The following ESRP1 variants were observed in gnomAD, a reference collection of about 807,000 sequenced individuals.
The protein encoded by ESRP1 is epithelial splicing regulatory protein 1.
Under a neutral mutation model 81.7 loss-of-function variants are expected in ESRP1, and 33 were observed. The ratio of observed to expected loss-of-function variants is 0.40; its 90% confidence interval spans 0.31 to 0.54. The LOEUF is 0.54. ESRP1 is among the 20% of genes least tolerant of loss of function. The probability of loss-of-function intolerance (pLI) is 0.41; values close to 1 mark genes in which losing one functional copy is unlikely to be tolerated. For synonymous variants in ESRP1, 320 were observed against 303.3 expected, an observed-to-expected ratio of 1.06 and a Z score of -0.57; for missense variants, 672 against 833.1, an observed-to-expected ratio of 0.81 and a Z score of 2.38.
chr8:94,689,811 C>CTT lies in ESRP1; in HGVS notation c.1821-2842_1821-2841dup, dbSNP rs58359551. Among the ~76,000 whole-genome samples the CTT allele has an allele frequency of 1.1e-3, 71 of 64,618 alleles. 2 individuals are homozygous for CTT. Among genetic ancestry groups the CTT allele is most frequent in the Non-Finnish European group, 1.5e-3 (50 of 33,630 alleles). 42.4% of individuals were successfully genotyped at this position (64,618 alleles called of 152,430 possible). A position where few individuals can be genotyped will look rare whatever the true frequency, so the allele number is the denominator to read the frequency against. The stretch of plus-strand genomic sequence containing the variant: ...CACAGGCATGTGCTATGATGCCTGG[C>CTT]TTTTTTTTTTTTTTTTTTTTTTTTT... On this transcript the variant is annotated intron_variant, in intron 13 of 15. Coordinates refer to ENST00000433389, the MANE Select transcript of ESRP1 (RefSeq NM_017697.4).
At chr8:94,660,709 C>CAAAAAAAAAAAAAAAAAAAAAA (rs60316449) in intron 4 of ESRP1, among the ~76,000 whole-genome samples, 3 of 43,542 alleles carry the variant, frequency 6.9e-5, no homozygotes, top group Admixed American at 3.8e-4. Flanking sequence ...GAGACTATCT[C>CAAAAAAAAAAAAAAAAAAAAAA]AAAAAAAAAA....
Position 94,707,161 on chromosome 8 carries a change from G to A in ESRP1, c.*1272G>A, listed in dbSNP as rs1810096037. On this transcript the variant is annotated 3_prime_UTR_variant, in exon 16 of 16. Transcript: ENST00000433389. ...ATGCAATGCCGTGCAGATTTATGAG[G>A]CTGCTATTTTTATTTTCTGTGCATT... 4 of 152,176 alleles carry A rather than the reference G, an allele frequency of 2.6e-5. No homozygotes were observed. The South Asian group carries it at 8.3e-4, about 32-fold the overall frequency. 9.4% of individuals were successfully genotyped at this position (152,176 alleles called of 1,614,324 possible). A position where few individuals can be genotyped will look rare whatever the true frequency, so the allele number is the denominator to read the frequency against.
chr8:94,697,765 T>C (rs1346292712), intron 15 of ESRP1, among the ~76,000 whole-genome samples: 1 of 152,098 alleles, frequency 6.6e-6, no homozygotes, highest in Admixed American at 6.6e-5. Context: ...TACTTTTTCC[T>C]GTTTCTTCTT....
At chr8:94,650,475 G>A (rs543249226) in intron 4 of ESRP1, among the ~76,000 whole-genome samples, 3 of 152,044 alleles carry the variant, frequency 2.0e-5, no homozygotes, top group East Asian at 1.9e-4. Context: ...CTTTTTAGCC[G>A]GTAATATGCA....
rs1817841751 is a variant in ESRP1 at position 94,646,182 on chromosome 8, T to C, written c.390T>C (p.Pro130=). Residue 130 remains proline (P), a synonymous_variant, in exon 4 of 16, where the codon CCT becomes CCC. Transcript: ENST00000433389. ...PEASKKNVLL[P]ECFYSFFDLR... is the part of the protein sequence containing the mutation. ...TCCTTCCTCAGAATGTACTATTACC[T>C]GAATGCTTCTATTCCTTTTTTGATC... 6.2e-7 allele frequency: 1 copy of C among 1,606,932 alleles called. No individual in the cohort carries two copies. The highest frequency in any genetic ancestry group is 8.5e-7 in the Non-Finnish European group (1 of 1,174,484).
At chr8:94,684,868 C>T (rs1054186153) in intron 13 of ESRP1, among the ~76,000 whole-genome samples, 3 of 151,896 alleles carry the variant, frequency 2.0e-5, no homozygotes, top group African/African-American at 7.3e-5. Context: ...CCATCCTGGG[C>T]ATGCAAAAAA....
rs748869347 is a variant in ESRP1, at chr8:94,678,274, C to G, written c.1723C>G (p.Pro575Ala). The G allele has an allele frequency of 6.2e-7, 1 of 1,614,004 alleles. No homozygotes were observed. Among genetic ancestry groups the G allele is most frequent in the Non-Finnish European group, 8.5e-7 (1 of 1,179,896 alleles). ...TCCTACAGAAGCTGCCATTTACCAG[C>G]CCTCTGTGATTTTGAATCCACGAGC... ...VIPTEAAIYQ[P>A]SVILNPRALQ... The change falls in exon 13 of 16, where the codon CCC becomes GCC. Residue 575 changes from proline to alanine, a missense_variant. Pro to Ala is a conservative substitution (Grantham distance 27). Coordinates refer to ENST00000433389, the MANE Select transcript of ESRP1 (RefSeq NM_017697.4).
At chr8:94,692,959 G>C in intron 14 of ESRP1, 132 bp downstream of exon 14, 1 of 968,622 alleles carries the variant, frequency 1.0e-6, no homozygotes, top group Non-Finnish European at 1.5e-6. Flanking sequence ...TTTGCTTATG[G>C]AAACAAATAG....
intron 4 of ESRP1, among the ~76,000 whole-genome samples, chr8:94,652,214 C>T (rs1232432695): frequency 6.6e-6 from 1 of 151,998 alleles, no homozygotes; most frequent in Non-Finnish European, 1.5e-5. Context: ...TCTGGAACTC[C>T]TGACCTCAGG....
chr8:94,682,575 C>A (rs923038521), intron 13 of ESRP1, among the ~76,000 whole-genome samples: 1 of 150,534 alleles, frequency 6.6e-6, no homozygotes, highest in Admixed American at 6.7e-5. Flanking sequence ...CTTTGTTGCC[C>A]ACGCTGGTCT....
At chr8:94,699,926 A>G (rs1311231641) in intron 15 of ESRP1, among the ~76,000 whole-genome samples, 1 of 151,824 alleles carries the variant, frequency 6.6e-6, no homozygotes, top group Non-Finnish European at 1.5e-5. Context: ...CCGCCTCCTT[A>G]TCAATATCAA....
chr8:94,655,065 T>TTTTTGTG (rs545869490), intron 4 of ESRP1, among the ~76,000 whole-genome samples: 34 of 147,528 alleles, frequency 2.3e-4, no homozygotes, highest in African/African-American at 7.4e-4. Flanking sequence ...TTTGGGTTTT[T>TTTTTGTG]TGTGTGTGTG....
At chr8:94,656,751 A>G (rs1818447258) in intron 4 of ESRP1, among the ~76,000 whole-genome samples, 1 of 152,198 alleles carries the variant, frequency 6.6e-6, no homozygotes, top group African/African-American at 2.4e-5. Flanking sequence ...CATTTTTCTT[A>G]TGGCAAGGAA....
At chr8:94,662,159 A>G (rs763161193) in intron 4 of ESRP1, 113 bp from the exon 5 acceptor site, 43 of 633,810 alleles carry the variant, frequency 6.8e-5, no homozygotes, top group Admixed American at 2.1e-4. Context: ...AGATTTCTAA[A>G]GGAAGCTCAG....
intron 11 of ESRP1, among the ~76,000 whole-genome samples, chr8:94,672,104 G>C (rs556685423): frequency 6.6e-6 from 1 of 152,154 alleles, no homozygotes. Context: ...CAACTCTGCT[G>C]TAGTGTTACA....
intron 4 of ESRP1, among the ~76,000 whole-genome samples, chr8:94,653,070 G>A (rs577393972): frequency 2.2e-4 from 33 of 152,156 alleles, no homozygotes; most frequent in Non-Finnish European, 4.6e-4. Context: ...TCCATGATAG[G>A]GTATTGCATT....
At chr8:94,648,438 G>C (rs1817947478) in intron 4 of ESRP1, among the ~76,000 whole-genome samples, 1 of 152,120 alleles carries the variant, frequency 6.6e-6, no homozygotes, top group South Asian at 2.1e-4. Context: ...TCCCTGTCTA[G>C]GCTACCAGAC....
Position 94,643,338 on chromosome 8 carries a change from A to G in ESRP1, c.297A>G (p.Gly99=). Reference sequence around the variant, plus strand: ...CAGTGAGCAATGAACTGAATATTGGAGTAGGGACTTCCTTCTGTCTCTGTA... The same window carrying G: ...CAGTGAGCAATGAACTGAATATTGGGGTAGGGACTTCCTTCTGTCTCTGTA... ...NQSVSNELNI[G]VGTSFCLCTD... is the part of the protein sequence containing the mutation. Residue 99 remains glycine, a synonymous_variant, in exon 3 of 16, where the codon GGA becomes GGG. Coordinates refer to ENST00000433389, the MANE Select transcript of ESRP1 (RefSeq NM_017697.4). 6.2e-7 allele frequency: 1 copy of G among 1,613,540 alleles called. No homozygotes were observed.
chr8:94,685,358 T>C (rs1361101134), intron 13 of ESRP1, among the ~76,000 whole-genome samples: 1 of 152,092 alleles, frequency 6.6e-6, no homozygotes, highest in Non-Finnish European at 1.5e-5. Context: ...AAATATAGCA[T>C]AGGGAGAAAT....
Sources: gnomAD v4.1 joint callset for allele counts (sites outside exome capture counted in the v4.1 genomes callset) on GRCh38, gnomAD v4.1.1 for gene constraint, MANE v1.5 for transcripts, NCBI Gene and HGNC (gene_info 2026-07-23, HGNC 2026-07-21) for gene names.